The following KATNBL1 variants were observed in gnomAD, a reference collection of about 807,000 sequenced individuals.
KATNBL1 encodes the protein KATNB1-like protein 1.
A neutral mutation model predicts 44.7 loss-of-function variants in KATNBL1; 28 were observed. The observed-to-expected ratio is 0.63, with a 90% CI of 0.46 to 0.86. The LOEUF (loss-of-function observed/expected upper bound fraction) is 0.86, where lower values mean the gene tolerates loss of function less well. Ranked by LOEUF, KATNBL1 falls within the 40% of genes least tolerant of loss-of-function variation. The pLI, the probability that KATNBL1 is intolerant of heterozygous loss-of-function variation, is 0.00. For synonymous variants in KATNBL1, 78 were observed against 114.9 expected (o/e 0.68, Z 2.06); for missense variants, 272 against 350.7 (o/e 0.78, Z 1.79).
intron 3 of KATNBL1, among the ~76,000 whole-genome samples, chr15:34,153,714 T>C (rs1337918075): frequency 2.0e-5 from 3 of 151,982 alleles, no homozygotes; most frequent in African/African-American, 4.8e-5. Context: ...GGGACTACAG[T>C]CGCGCGCCAC....
chr15:34,151,088 T>C (rs1888455702), intron 4 of KATNBL1, among the ~76,000 whole-genome samples: 1 of 152,230 alleles, frequency 6.6e-6, no homozygotes, highest in Admixed American at 6.5e-5. Context: ...CATGTGTCTT[T>C]ATGGTAGCAT....
Position 34,145,447 on chromosome 15 carries a change from T to C in KATNBL1, c.833A>G (p.Gln278Arg), listed in dbSNP as rs756757992. ...LKQQLSGLWE[Q>R]ENHLTLVPGY... ...TGGAACCAAAGTAAGATGGTTTTCC[T>C]GTTCCCATAATCCACTTAATTGTTG... The change falls in exon 9 of 10, where the codon CAG (glutamine) becomes CGG (arginine). Residue 278 changes from glutamine (Q) to arginine (R), a missense_variant. This residue lies in a region of KATNBL1 where 39 missense variants were observed against 76.3 expected (regional missense o/e 0.51). Transcript: ENST00000256544. 6.8e-6 allele frequency: 10 copies of C among 1,469,588 alleles called. No homozygotes were observed. The African/African-American group carries it at 1.0e-4, about 15-fold the overall frequency. The allele number at this position is 1,469,588 out of a possible 1,614,324, so 91.0% of individuals were successfully genotyped here.
intron 1 of KATNBL1, among the ~76,000 whole-genome samples, chr15:34,179,394 C>T (rs527527194): frequency 6.6e-6 from 1 of 152,314 alleles, no homozygotes; most frequent in Middle Eastern, 3.4e-3. Context: ...GCCCTCATGA[C>T]CTAATCATCT....
intron 1 of KATNBL1, among the ~76,000 whole-genome samples, chr15:34,185,089 C>G (rs1241962706): frequency 6.6e-6 from 1 of 151,986 alleles, no homozygotes; most frequent in Non-Finnish European, 1.5e-5. Flanking sequence ...GCCACCTCAC[C>G]CTCCCAAGTA....
chr15:34,191,067 A>G (rs1462413801), intron 1 of KATNBL1, among the ~76,000 whole-genome samples: 4 of 151,466 alleles, frequency 2.6e-5, no homozygotes, highest in Non-Finnish European at 2.9e-5. Flanking sequence ...AAAAAACAAA[A>G]CTTAAAATGT....
At chr15:34,167,704 A>C (rs1889024654) in intron 1 of KATNBL1, among the ~76,000 whole-genome samples, 1 of 152,226 alleles carries the variant, frequency 6.6e-6, no homozygotes, top group South Asian at 2.1e-4. Context: ...GAGAAAGGTC[A>C]GGTTACCCAC....
chr15:34,170,707 C>T (rs1413761449), intron 1 of KATNBL1, among the ~76,000 whole-genome samples: 6 of 152,106 alleles, frequency 3.9e-5, no homozygotes, highest in East Asian at 1.9e-4. Flanking sequence ...GCTACAGTAA[C>T]GAAAACAGCA....
At chr15:34,208,635 A>G (rs924219037) in intron 1 of KATNBL1, 5 of 152,256 alleles carry the variant, frequency 3.3e-5, no homozygotes, top group African/African-American at 1.2e-4. Flanking sequence ...AACATAAATT[A>G]TAACACACAT....
intron 2 of KATNBL1, among the ~76,000 whole-genome samples, chr15:34,158,638 G>C (rs1888708850): frequency 6.6e-6 from 1 of 151,728 alleles, no homozygotes; most frequent in Non-Finnish European, 1.5e-5. Context: ...TTTTTTCAAA[G>C]GTGTGAGCTA....
At chr15:34,171,100 T>C (rs1384018458) in intron 1 of KATNBL1, among the ~76,000 whole-genome samples, 1 of 151,998 alleles carries the variant, frequency 6.6e-6, no homozygotes, top group African/African-American at 2.4e-5. Context: ...CTAATTAAAC[T>C]AAAGAGCTTC....
At chr15:34,198,770 C>T (rs1258123668) in intron 1 of KATNBL1, among the ~76,000 whole-genome samples, 1 of 152,114 alleles carries the variant, frequency 6.6e-6, no homozygotes, top group Admixed American at 6.5e-5. Context: ...TGGTCAAGAA[C>T]TGGGAAGAGG....
At position 34,190,309 on chromosome 15, in the gene KATNBL1, G is replaced by T. The variant is rs1270318653; in HGVS notation, c.-15+19642C>A. Among the ~76,000 whole-genome samples the T allele has an allele frequency of 2.6e-5, 4 of 152,168 alleles. No individual in the cohort carries two copies. The East Asian group carries it at 7.7e-4, about 29-fold the overall frequency. On this transcript the variant is annotated intron_variant, in intron 1 of 9. Transcript: ENST00000256544. ...GGGGACGAATAACAAGGAAGCCAATGAATATGAATAATGAGTGCTATAAAA... is the reference window on the plus strand; with the variant it reads ...GGGGACGAATAACAAGGAAGCCAATTAATATGAATAATGAGTGCTATAAAA...
chr15:34,158,635 A>G (rs1888708685), intron 2 of KATNBL1, among the ~76,000 whole-genome samples: 1 of 151,224 alleles, frequency 6.6e-6, no homozygotes, highest in South Asian at 2.1e-4. Flanking sequence ...TTTTTTTTTC[A>G]AAGGTGTGAG....
chr15:34,171,834 G>A (rs903227008), intron 1 of KATNBL1, among the ~76,000 whole-genome samples: 3 of 151,764 alleles, frequency 2.0e-5, no homozygotes, highest in Non-Finnish European at 4.4e-5. Flanking sequence ...ACTATCACAA[G>A]GGCAGAAAAC....
intron 1 of KATNBL1, among the ~76,000 whole-genome samples, chr15:34,193,012 T>C (rs1394816981): frequency 2.1e-5 from 3 of 141,126 alleles, no homozygotes; most frequent in African/African-American, 5.4e-5. Flanking sequence ...GGTCAGGAGA[T>C]CGAGACCATC....
Position 34,140,928 on chromosome 15 carries a change from A to G in KATNBL1, c.*1411T>C, listed in dbSNP as rs1013348712. The G allele has an allele frequency of 2.0e-5, 3 of 152,184 alleles. No homozygotes were observed. Among genetic ancestry groups the G allele is most frequent in the African/African-American group, 7.2e-5 (3 of 41,468 alleles). 9.4% of individuals were successfully genotyped at this position (152,184 alleles called of 1,614,324 possible). On this transcript the variant is annotated 3_prime_UTR_variant, in exon 10 of 10. Coordinates refer to ENST00000256544, the MANE Select transcript of KATNBL1 (RefSeq NM_024713.3). The stretch of plus-strand genomic sequence containing the variant: ...CAAAACCAGAACTCAGTGAAACATA[A>G]CTTTTAAGAGCAAGAAATCTGCTTG...
chr15:34,203,558 C>T (rs1197984680), intron 1 of KATNBL1, among the ~76,000 whole-genome samples: 2 of 152,328 alleles, frequency 1.3e-5, no homozygotes, highest in East Asian at 3.9e-4. Flanking sequence ...TGTATTTTTC[C>T]CCCACCACAT....
intron 9 of KATNBL1, 24 bp from the exon 10 acceptor site, chr15:34,142,395 T>C: frequency 6.4e-7 from 1 of 1,571,590 alleles, no homozygotes; most frequent in South Asian, 1.2e-5. Flanking sequence ...ACAAAAACAT[T>C]TCATTAGACA....
intron 1 of KATNBL1, among the ~76,000 whole-genome samples, chr15:34,208,078 C>T (rs996053889): frequency 1.3e-5 from 2 of 152,188 alleles, no homozygotes; most frequent in Non-Finnish European, 2.9e-5. Flanking sequence ...TGTCCTGGCA[C>T]ATTTTTTATT....
Sources: gnomAD v4.1 joint callset for allele counts (sites outside exome capture counted in the v4.1 genomes callset) on GRCh38, gnomAD v4.1.1 for gene constraint, gnomAD v4.1.1 regional missense constraint, MANE v1.5 for transcripts, NCBI Gene and HGNC (gene_info 2026-07-23, HGNC 2026-07-21) for gene names.